The following RNF213 variants were observed in gnomAD, a reference collection of about 807,000 sequenced individuals.
The protein encoded by RNF213 is E3 ubiquitin-protein ligase RNF213.
A neutral mutation model predicts 514.4 loss-of-function variants in RNF213; 341 were observed. The observed-to-expected ratio is 0.66, with a 90% CI of 0.61 to 0.73. The LOEUF (loss-of-function observed/expected upper bound fraction) is 0.73, where lower values mean the gene tolerates loss of function less well. RNF213 is among the 30% of genes least tolerant of loss of function. The probability of loss-of-function intolerance (pLI) is 0.00; values close to 1 mark genes in which losing one functional copy is unlikely to be tolerated. For missense variants in RNF213, 5,767 were observed against 6,615.6 expected, an observed-to-expected ratio of 0.87 and a Z score of 4.45; for synonymous variants, 2,655 against 2,658.2, an observed-to-expected ratio of 1.00 and a Z score of 0.04.
At chr17:80,265,362 T>G (rs2043579653) in intron 2 of RNF213, among the ~76,000 whole-genome samples, 1 of 152,236 alleles carries the variant, frequency 6.6e-6, no homozygotes, top group East Asian at 1.9e-4. Context: ...GCTCCACTTC[T>G]ATTAATAATA....
chr17:80,305,184 C>CTTT (rs71163950), intron 11 of RNF213, among the ~76,000 whole-genome samples: 12 of 127,428 alleles, frequency 9.4e-5, no homozygotes, highest in African/African-American at 3.5e-4. Flanking sequence ...CAGCAGTGAA[C>CTTT]TTTTTTTTTT....
At chr17:80,384,910 A>G (rs2080171877) in intron 59 of RNF213, 129 bp from the exon 60 acceptor site, 1 of 968,724 alleles carries the variant, frequency 1.0e-6, no homozygotes, top group Admixed American at 1.9e-5. Context: ...TCCACGCTGC[A>G]TCACAGGAAA....
chr17:80,332,574 C>T lies in RNF213; in HGVS notation c.4086C>T (p.Val1362=). The change falls in exon 21 of 68, where the codon GTC becomes GTT. Residue 1362 remains valine, a synonymous_variant. Coordinates refer to ENST00000582970, the MANE Select transcript of RNF213 (RefSeq NM_001256071.3). ...ACGCAGCCAAGGTCATCTTGCAGGTCAAAGAGAGCCTGGGACTGAACGGTG... is the reference window on the plus strand; with the variant it reads ...ACGCAGCCAAGGTCATCTTGCAGGTTAAAGAGAGCCTGGGACTGAACGGTG... ...AVHAAKVILQ[V]KESLGLNGDF... The T allele has an allele frequency of 6.5e-7, 1 of 1,533,094 alleles. No homozygotes were observed. The highest frequency in any genetic ancestry group is 8.7e-7 in the Non-Finnish European group (1 of 1,144,174). The allele number at this position is 1,533,094 out of a possible 1,614,324, so 95.0% of individuals were successfully genotyped here.
intron 17 of RNF213, chr17:80,319,673 G>T (rs1032635787): frequency 1.5e-5 from 22 of 1,453,360 alleles, no homozygotes; most frequent in Non-Finnish European, 2.0e-5. Flanking sequence ...AGGTGTGCGG[G>T]AAGAGACTCC....
chr17:80,313,064 T>C lies in RNF213; in HGVS notation c.2708T>C (p.Phe903Ser). The C allele has an allele frequency of 1.9e-6, 3 of 1,614,042 alleles. No individual in the cohort carries two copies. Among genetic ancestry groups the C allele is most frequent in the Non-Finnish European group, 2.5e-6 (3 of 1,180,032 alleles). ...ETGNNSVQTV[F>S]QGTLAATKRW... ...GGAAATAATTCAGTCCAAACAGTCT[T>C]CCAAGGGACCCTTGCTGCTACGAAA... The change falls in exon 15 of 68, where the codon TTC (phenylalanine) becomes TCC (serine). Residue 903 changes from phenylalanine (F) to serine (S), a missense_variant. Around this residue, in one of 13 missense-constraint regions of RNF213, gnomAD observed 592 missense variants for 673.9 expected, o/e 0.88. Coordinates refer to ENST00000582970, the MANE Select transcript of RNF213 (RefSeq NM_001256071.3).
At chr17:80,358,068 T>C (rs1200196978) in intron 36 of RNF213, among the ~76,000 whole-genome samples, 1 of 152,226 alleles carries the variant, frequency 6.6e-6, no homozygotes, top group Non-Finnish European at 1.5e-5. Context: ...TAGAATTAAG[T>C]TCCATTCCAG....
At chr17:80,367,603 A>AAGGATC in intron 42 of RNF213, 145 bp from the exon 43 acceptor site, 2 of 671,468 alleles carry the variant, frequency 3.0e-6, no homozygotes, top group Non-Finnish European at 5.4e-6. Flanking sequence ...TCAAGCGTTA[A>AAGGATC]ACACAGGATC....
intron 21 of RNF213, among the ~76,000 whole-genome samples, chr17:80,333,054 C>CTT (rs112975996): frequency 1.4e-5 from 2 of 143,564 alleles, no homozygotes; most frequent in African/African-American, 5.1e-5. Context: ...GACTCTTTTG[C>CTT]TTTTTTTTTT....
chr17:80,312,336 A>G (rs944032006), intron 14 of RNF213, among the ~76,000 whole-genome samples: 7 of 152,062 alleles, frequency 4.6e-5, no homozygotes, highest in Non-Finnish European at 8.8e-5. Context: ...CTTTGAGCCC[A>G]GGGGAAGAGG....
intron 9 of RNF213, 141 bp from the exon 10 acceptor site, chr17:80,295,416 G>A: frequency 9.3e-7 from 1 of 1,072,222 alleles, no homozygotes; most frequent in Non-Finnish European, 1.4e-6. Flanking sequence ...CTGCACTGCA[G>A]CTCCTCCTGT....
Position 80,393,688 on chromosome 17 carries a change from A to G in RNF213, c.*190A>G, listed in dbSNP as rs1599231915. 3 of 581,540 alleles carry G rather than the reference A, an allele frequency of 5.2e-6. No homozygotes were observed. Among genetic ancestry groups the G allele is most frequent in the Non-Finnish European group, 9.2e-6 (3 of 325,964 alleles). The allele number at this position is 581,540 out of a possible 1,614,324, so 36.0% of individuals were successfully genotyped here. ...TTGAAAGCCGAGCTGTTTCTGAACC[A>G]TGTACATACATGTTCTGAAACTTTC... is the stretch of plus-strand genomic sequence containing the variant. On this transcript the variant is annotated 3_prime_UTR_variant, in exon 68 of 68. Transcript: ENST00000582970.
intron 9 of RNF213, 124 bp from the exon 10 acceptor site, chr17:80,295,433 C>T: frequency 8.0e-7 from 1 of 1,249,058 alleles, no homozygotes. Context: ...CTGTGGCTCT[C>T]ACAGGTGTGG....
chr17:80,334,413 AGGGAGAT>A, intron 22 of RNF213, 143 bp downstream of exon 22: 1 of 836,074 alleles, frequency 1.2e-6, no homozygotes, highest in East Asian at 2.7e-5. Context: ...TGCATGCTTT[AGGGAGAT>A]GGGCACTGAT....
chr17:80,372,538 G>A lies in RNF213; in HGVS notation c.12555G>A (p.Lys4185=). The A allele has an allele frequency of 1.9e-6, 3 of 1,613,200 alleles. No individual in the cohort carries two copies. Among genetic ancestry groups the A allele is most frequent in the Non-Finnish European group, 2.5e-6 (3 of 1,179,414 alleles). Residue 4185 remains lysine, a synonymous_variant, in exon 48 of 68, where the codon AAG becomes AAA. Coordinates refer to ENST00000582970, the MANE Select transcript of RNF213 (RefSeq NM_001256071.3). ...TTCCTCAGGATTCAATACTTGAGAA[G>A]ACCAGTGCTTACTCCAGAAATGATG... ...INCLEDSILE[K]TSAYSRNDEL... is the part of the protein sequence containing the mutation.
At position 80,397,194 on chromosome 17, in the gene RNF213, GAC is replaced by G. The variant is rs2080682513; in HGVS notation, c.*3702_*3703del. On this transcript the variant is annotated 3_prime_UTR_variant, in exon 68 of 68. Coordinates refer to ENST00000582970, the MANE Select transcript of RNF213 (RefSeq NM_001256071.3). Reference sequence around the variant, plus strand: ...GACCACTCTGGAACCCAACAAAGCTGACACACAGCCCAGCCCAGACAGGCCTG... The same window carrying G: ...GACCACTCTGGAACCCAACAAAGCTGACACAGCCCAGCCCAGACAGGCCTG... 6.6e-6 allele frequency: 1 copy of G among 152,432 alleles called. No homozygotes were observed. Among genetic ancestry groups the G allele is most frequent in the South Asian group, 2.1e-4 (1 of 4,822 alleles). The allele number at this position is 152,432 out of a possible 1,614,324, so 9.4% of individuals were successfully genotyped here.
chr17:80,334,458 C>T (rs2144003963), intron 22 of RNF213, 188 bp downstream of exon 22: 1 of 548,242 alleles, frequency 1.8e-6, no homozygotes, highest in Non-Finnish European at 3.0e-6. Flanking sequence ...TACAGTATTT[C>T]CCATGTGCTG....
chr17:80,363,077 T>C (rs757000647), intron 39 of RNF213, 25 bp from the exon 40 acceptor site: 2 of 1,598,714 alleles, frequency 1.3e-6, no homozygotes, highest in Non-Finnish European at 1.7e-6. Flanking sequence ...TAAAAATATA[T>C]TCTAAAAGCT....
At position 80,263,368 on chromosome 17, in the gene RNF213, TC is replaced by T. The variant is rs1343047641; in HGVS notation, c.-108-202del. On this transcript the variant is annotated intron_variant, in intron 1 of 67. Coordinates refer to ENST00000582970, the MANE Select transcript of RNF213 (RefSeq NM_001256071.3). The surrounding 1 kb of genome is among the most constrained non-coding windows in gnomAD (Gnocchi z 4.9). ...GGCTGCCCCACGCCTGCCTGGAGCA[TC>T]CCCTATCCCCACCCAGCCCAACCCA... 1.3e-5 allele frequency among the ~76,000 whole-genome samples: 2 copies of T among 152,056 alleles called. No individual in the cohort carries two copies. The highest frequency in any genetic ancestry group is 2.9e-5 in the Non-Finnish European group (2 of 68,006).
At chr17:80,333,274 A>C (rs1218784723) in intron 21 of RNF213, among the ~76,000 whole-genome samples, 1 of 149,036 alleles carries the variant, frequency 6.7e-6, no homozygotes, top group East Asian at 2.0e-4. Flanking sequence ...GTTAGCCAGG[A>C]TGGTCTCGAT....
Sources: allele counts gnomAD v4.1 joint callset (sites outside exome capture counted in the v4.1 genomes callset), GRCh38; gene constraint gnomAD v4.1.1; regional missense constraint gnomAD v4.1.1; non-coding constraint Gnocchi (gnomAD v3.1); transcripts MANE v1.5; gene names NCBI Gene and HGNC (gene_info 2026-07-23, HGNC 2026-07-21).